The following PCDHA1 variants were observed in gnomAD, a reference collection of about 807,000 sequenced individuals.
PCDHA1 encodes protocadherin alpha-1.
A neutral mutation model predicts 61.3 loss-of-function variants in PCDHA1; 42 were observed. That is an observed-to-expected ratio of 0.69 (90% CI 0.54 to 0.89). The LOEUF (loss-of-function observed/expected upper bound fraction) is 0.89. PCDHA1 is among the 40% of genes least tolerant of loss of function. PCDHA1 has a pLI of 0.00. For synonymous variants in PCDHA1, 610 were observed against 553.8 expected (o/e 1.10, Z -1.43); for missense variants, 1,256 against 1,235.3 (o/e 1.02, Z -0.25).
chr5:140,851,303 G>A (rs2042020475), intron 1 of PCDHA1: 2 of 1,012,372 alleles, frequency 2.0e-6, no homozygotes. Context: ...AAAATATATA[G>A]CAATTGTTAC....
At chr5:140,989,777 A>G (rs1406464822) in intron 3 of PCDHA1, among the ~76,000 whole-genome samples, 2 of 152,230 alleles carry the variant, frequency 1.3e-5, no homozygotes, top group African/African-American at 4.8e-5. Context: ...AGCACTGGCT[A>G]GAGACTAGAG....
Position 140,979,001 on chromosome 5 carries a change from T to C in PCDHA1, c.2447T>C (p.Met816Thr). ...WRYSASLRAG[M>T]HSSVHLEEAG... Reference sequence around the variant, plus strand: ...TACTCTGCCTCCCTGAGAGCAGGCATGCACAGGTATGTATTTCCCTCCTCA... The same window carrying C: ...TACTCTGCCTCCCTGAGAGCAGGCACGCACAGGTATGTATTTCCCTCCTCA... Residue 816 changes from methionine (M) to threonine (T), a missense_variant, in exon 2 of 4, where the codon ATG becomes ACG. By Grantham distance (81) the Met-to-Thr change is moderately conservative (BLOSUM62 -1). Transcript: ENST00000504120. 6.2e-7 allele frequency: 1 copy of C among 1,614,148 alleles called. No individual in the cohort carries two copies. Among genetic ancestry groups the C allele is most frequent in the Non-Finnish European group, 8.5e-7 (1 of 1,180,016 alleles).
At chr5:140,887,130 T>C (rs1164233833) in intron 1 of PCDHA1, among the ~76,000 whole-genome samples, 1 of 151,716 alleles carries the variant, frequency 6.6e-6, no homozygotes, top group African/African-American at 2.4e-5. Context: ...GGAGTCTCAC[T>C]CTGTCGCCCA....
At chr5:140,797,479 A>G (rs781851255) in intron 1 of PCDHA1, 20 of 1,089,882 alleles carry the variant, frequency 1.8e-5, no homozygotes, top group Non-Finnish European at 2.5e-5. Flanking sequence ...TGCGATTTTG[A>G]ATATGAATTA....
chr5:140,900,342 A>T (rs965236795), intron 1 of PCDHA1, among the ~76,000 whole-genome samples: 3 of 152,034 alleles, frequency 2.0e-5, no homozygotes, highest in South Asian at 2.1e-4. Context: ...CCGTGGCGCA[A>T]TCTTGGCTCA....
At chr5:140,926,987 G>A (rs782407289) in intron 1 of PCDHA1, 13 of 1,610,996 alleles carry the variant, frequency 8.1e-6, no homozygotes, top group Non-Finnish European at 1.1e-5. Flanking sequence ...GAGACGGAGC[G>A]GGGCGTAGCC....
At chr5:140,876,923 C>T in intron 1 of PCDHA1, 1 of 1,613,834 alleles carries the variant, frequency 6.2e-7, no homozygotes. Flanking sequence ...GACGCGGACG[C>T]GCAGAAGAAC....
chr5:140,928,694 C>T, intron 1 of PCDHA1: 1 of 1,614,166 alleles, frequency 6.2e-7, no homozygotes, highest in South Asian at 1.1e-5. Flanking sequence ...TACCACATCT[C>T]CCGGGCGTCT....
chr5:140,809,041 G>T, intron 1 of PCDHA1: 2 of 1,613,844 alleles, frequency 1.2e-6, no homozygotes, highest in Non-Finnish European at 1.7e-6. Context: ...CTGGTGGCGC[G>T]CGCATCCCGT....
At chr5:140,875,265 T>G in intron 1 of PCDHA1, 1 of 1,201,060 alleles carries the variant, frequency 8.3e-7, no homozygotes, top group Non-Finnish European at 1.1e-6. Context: ...GATGTCGCTC[T>G]ACACTCAGAA....
intron 1 of PCDHA1, chr5:140,803,586 G>A (rs1321959847): frequency 1.2e-6 from 2 of 1,614,068 alleles, no homozygotes; most frequent in East Asian, 4.5e-5. Flanking sequence ...TGATCTCTCA[G>A]CCAAAGTGAG....
intron 1 of PCDHA1, chr5:140,851,594 A>T (rs1554145464): frequency 1.1e-6 from 1 of 917,164 alleles, no homozygotes; most frequent in African/African-American, 1.8e-5. Context: ...TTTGAAATTC[A>T]GTTTACAGAA....
In PCDHA1 at chr5:140,788,051, G is replaced by A. The variant is rs111466259; in HGVS notation, c.1761G>A (p.Ala587=). 10 of 1,613,990 alleles carry A rather than the reference G, an allele frequency of 6.2e-6. No individual in the cohort carries two copies. Among genetic ancestry groups the A allele is most frequent in the African/African-American group, 5.3e-5 (4 of 75,052 alleles). ...AGCTGGTGCCGCGATTGGTGGGTGC[G>A]GGTCATGTGGTGGCGAAGGTGCGCG... ...VSELVPRLVG[A]GHVVAKVRAV... The change falls in exon 1 of 4, where the codon GCG becomes GCA. Residue 587 remains alanine, a synonymous_variant. Transcript: ENST00000504120.
intron 1 of PCDHA1, among the ~76,000 whole-genome samples, chr5:140,924,240 G>T (rs1554201838): frequency 2.6e-5 from 4 of 152,186 alleles, no homozygotes; most frequent in Non-Finnish European, 5.9e-5. Flanking sequence ...GGGCTGTTTT[G>T]CATCCTGGTG....
intron 1 of PCDHA1, among the ~76,000 whole-genome samples, chr5:140,872,744 C>T (rs1359908128): frequency 6.6e-6 from 1 of 152,086 alleles, no homozygotes; most frequent in African/African-American, 2.4e-5. Flanking sequence ...TCTAAACTTG[C>T]TAAAGACATG....
chr5:140,903,713 A>G (rs1391210068), intron 1 of PCDHA1, among the ~76,000 whole-genome samples: 1 of 152,206 alleles, frequency 6.6e-6, no homozygotes, highest in Non-Finnish European at 1.5e-5. Flanking sequence ...TAAAATATAC[A>G]ATTCTCCCTA....
At chr5:140,794,906 A>C (rs539937360) in intron 1 of PCDHA1, 2 of 1,509,630 alleles carry the variant, frequency 1.3e-6, no homozygotes, top group Admixed American at 4.2e-5. Context: ...AGAGACTAGA[A>C]TATTTAAATT....
chr5:140,973,754 G>A (rs2096600951), intron 1 of PCDHA1, among the ~76,000 whole-genome samples: 1 of 152,198 alleles, frequency 6.6e-6, no homozygotes, highest in South Asian at 2.1e-4. Flanking sequence ...CACTCTGCAG[G>A]GACACAGCCT....
intron 1 of PCDHA1, chr5:140,835,634 T>C (rs2150240136): frequency 3.1e-6 from 5 of 1,613,808 alleles, no homozygotes; most frequent in East Asian, 2.2e-5. Context: ...ACCGCGAGAG[T>C]GTGTCCGCCT....
Sources: gnomAD v4.1 joint callset for allele counts (sites outside exome capture counted in the v4.1 genomes callset) on GRCh38, gnomAD v4.1.1 for gene constraint, MANE v1.5 for transcripts, NCBI Gene and HGNC (gene_info 2026-07-23, HGNC 2026-07-21) for gene names.